Variants in DYRK4 observed in about 807,000 individuals in gnomAD.
The protein encoded by DYRK4 is dual specificity tyrosine phosphorylation regulated kinase 4.
DYRK4 carries 64 observed loss-of-function variants against 68.3 expected under a neutral mutation model. That is an observed-to-expected ratio of 0.94 (90% CI 0.77 to 1.15). The LOEUF (loss-of-function observed/expected upper bound fraction) is 1.15, where lower values mean the gene tolerates loss of function less well. DYRK4 is among the 50% of genes most tolerant of loss of function. The pLI, the probability that DYRK4 is intolerant of heterozygous loss-of-function variation, is 0.00. For missense variants in DYRK4, 740 were observed against 764.7 expected (o/e 0.97, Z 0.38); for synonymous variants, 274 against 289.9 (o/e 0.95, Z 0.56).
chr12:4,610,073 AG>A, intron 12 of DYRK4, 81 bp from the exon 13 acceptor site: 1 of 1,318,738 alleles, frequency 7.6e-7, no homozygotes, highest in Non-Finnish European at 1.0e-6. Flanking sequence ...AAAGAGCTAC[AG>A]AGGCCACTCT....
chr12:4,613,545 CAA>C lies in DYRK4; in HGVS notation c.1700_1701del (p.Lys567ArgfsTer2), dbSNP rs1363804800. 4.3e-6 allele frequency: 7 copies of C among 1,613,568 alleles called. No individual in the cohort carries two copies. Among genetic ancestry groups the C allele is most frequent in the Non-Finnish European group, 5.9e-6 (7 of 1,179,672 alleles). On this transcript the variant is annotated frameshift_variant, in exon 15 of 15. Transcript: ENST00000543431. LOFTEE classifies it low-confidence loss of function (END_TRUNC). This position sits in a 1 kb window ranked among gnomAD's most constrained non-coding sequence, Gnocchi z 4.0. ...ATCACCAAAGAGACTACAGAGAAAA[CAA>C]AAGATAGCCCCACGAAGCATGTTCA...
At chr12:4,568,459 C>T (rs1396528718) in intron 2 of DYRK4, among the ~76,000 whole-genome samples, 1 of 151,816 alleles carries the variant, frequency 6.6e-6, no homozygotes, top group African/African-American at 2.4e-5. Context: ...AATCTCAGCT[C>T]ACTGCAACCT....
intron 9 of DYRK4, 108 bp downstream of exon 9, chr12:4,599,274 T>A: frequency 1.2e-6 from 1 of 822,226 alleles, no homozygotes. Flanking sequence ...CTTTGACTTT[T>A]TTTTTTTTTT....
intron 2 of DYRK4, among the ~76,000 whole-genome samples, chr12:4,568,407 C>T (rs187332290): frequency 5.5e-4 from 83 of 150,750 alleles, no homozygotes; most frequent in African/African-American, 2.0e-3. Flanking sequence ...TTCTTTGAGA[C>T]GGAGTTTCAC....
chr12:4,594,095 G>A (rs1208909107), intron 6 of DYRK4, among the ~76,000 whole-genome samples: 1 of 152,130 alleles, frequency 6.6e-6, no homozygotes, highest in Non-Finnish European at 1.5e-5. Context: ...TCTAGAGCCC[G>A]GGTTTTCAAT....
chr12:4,585,309 A>G (rs1454734501), intron 2 of DYRK4, among the ~76,000 whole-genome samples: 1 of 152,152 alleles, frequency 6.6e-6, no homozygotes, highest in Non-Finnish European at 1.5e-5. Context: ...TCTAGAGCCT[A>G]TTCCACTCTC....
chr12:4,604,848 TG>T lies in DYRK4; in HGVS notation c.1127-61del, dbSNP rs1443472760. ...GCGCAGTCTAACTGAGAAGTTGTCC[TG>T]GGGGAGAGCGTTCTGGAGGGTAAGA... is the stretch of plus-strand genomic sequence containing the variant. On this transcript the variant is annotated intron_variant, in intron 10 of 14. Transcript: ENST00000543431. 39 of 1,487,726 alleles carry T rather than the reference TG, an allele frequency of 2.6e-5. No individual in the cohort carries two copies. The African/African-American group carries it at 2.7e-4, about 10-fold the overall frequency. 92.2% of individuals were successfully genotyped at this position (1,487,726 alleles called of 1,614,324 possible). A position where few individuals can be genotyped will look rare whatever the true frequency, so the allele number is the denominator to read the frequency against.
At chr12:4,579,726 G>A (rs184316422) in intron 2 of DYRK4, among the ~76,000 whole-genome samples, 1 of 152,314 alleles carries the variant, frequency 6.6e-6, no homozygotes, top group African/African-American at 2.4e-5. Flanking sequence ...AGGAAATTTA[G>A]TGTCTAATTT....
rs1945091092 is a variant in DYRK4 at position 4,602,349 on chromosome 12, C to T, written c.1126+2561C>T. 1.6e-5 allele frequency: 14 copies of T among 896,352 alleles called. No individual in the cohort carries two copies. The South Asian group carries it at 1.9e-4, about 12-fold the overall frequency. 55.5% of individuals were successfully genotyped at this position (896,352 alleles called of 1,614,324 possible). ...TTTTCTGTTGCTCTTCCTCTCTTTTCAGCTTTTCTCTCTTTTGTTCTCGTT... is the reference window on the plus strand; with the variant it reads ...TTTTCTGTTGCTCTTCCTCTCTTTTTAGCTTTTCTCTCTTTTGTTCTCGTT... On this transcript the variant is annotated intron_variant, in intron 10 of 14. Coordinates refer to ENST00000543431, the MANE Select transcript of DYRK4 (RefSeq NM_001394779.1).
chr12:4,596,057 C>A, intron 6 of DYRK4, 92 bp from the exon 7 acceptor site: 1 of 1,397,108 alleles, frequency 7.2e-7, no homozygotes, highest in Non-Finnish European at 9.9e-7. Flanking sequence ...CAGGAGTGAG[C>A]CATAATCTGG....
chr12:4,612,212 T>G (rs542946632), intron 13 of DYRK4, among the ~76,000 whole-genome samples: 12 of 152,324 alleles, frequency 7.9e-5, no homozygotes, highest in Non-Finnish European at 1.8e-4. Flanking sequence ...TTGAAATCTT[T>G]GTTTTAATAT....
At chr12:4,571,366 G>GT (rs1051296704) in intron 2 of DYRK4, among the ~76,000 whole-genome samples, 1 of 152,146 alleles carries the variant, frequency 6.6e-6, no homozygotes, top group Non-Finnish European at 1.5e-5. Context: ...TTAGAGAGGC[G>GT]TTCCTTCCCC....
chr12:4,590,598 T>C, intron 4 of DYRK4, 158 bp downstream of exon 4: 1 of 1,355,710 alleles, frequency 7.4e-7, no homozygotes, highest in Non-Finnish European at 9.5e-7. Flanking sequence ...GACTATAAGC[T>C]TGAGCAAATA....
chr12:4,569,924 G>T (rs78396123), intron 2 of DYRK4, among the ~76,000 whole-genome samples: 54 of 151,958 alleles, frequency 3.6e-4, no homozygotes, highest in African/African-American at 1.2e-3. Flanking sequence ...AAATAAGTCC[G>T]GGGCATGAGG....
chr12:4,571,209 G>C (rs1213484524), intron 2 of DYRK4, among the ~76,000 whole-genome samples: 3 of 152,154 alleles, frequency 2.0e-5, no homozygotes, highest in Admixed American at 6.5e-5. Context: ...ATTACATTAC[G>C]ATCTCCCCGA....
rs928683050 is a variant in DYRK4 at position 4,562,621 on chromosome 12, C to G, written c.38+338C>G. 3.3e-5 allele frequency among the ~76,000 whole-genome samples: 5 copies of G among 152,256 alleles called. No individual in the cohort carries two copies. The East Asian group carries it at 9.6e-4, about 29-fold the overall frequency. On this transcript the variant is annotated intron_variant, in intron 1 of 14. Coordinates refer to ENST00000543431, the MANE Select transcript of DYRK4 (RefSeq NM_001394779.1). ...CCTGGAACTGTGCTTCCAGCCCTCA[C>G]TGGGACGCCAGACTTTCTTCCTCCC...
chr12:4,605,489 A>G (rs1048431083), intron 11 of DYRK4, among the ~76,000 whole-genome samples: 1 of 151,424 alleles, frequency 6.6e-6, no homozygotes, highest in East Asian at 1.9e-4. Flanking sequence ...TTTTGTTTCT[A>G]CTCTTTTTTC....
intron 1 of DYRK4, 59 bp from the exon 2 acceptor site, chr12:4,567,895 TG>T: frequency 7.3e-7 from 1 of 1,373,566 alleles, no homozygotes; most frequent in Non-Finnish European, 1.0e-6. Context: ...CCTGAGTGTG[TG>T]GGCCATTACT....
In DYRK4 at chr12:4,599,555, G is replaced by A. The variant is rs1023620281; in HGVS notation, c.1045-152G>A. ...CACAAGTCAAATGGAAAGTCAGAGC[G>A]GAGGATGATGGGATTTTGGAGAGGA... On this transcript the variant is annotated intron_variant, in intron 9 of 14. Transcript: ENST00000543431. 1.6e-5 allele frequency: 10 copies of A among 608,988 alleles called. 1 individual carries two copies. Among genetic ancestry groups the A allele is most frequent in the South Asian group, 8.2e-5 (4 of 48,628 alleles). 37.7% of individuals were successfully genotyped at this position (608,988 alleles called of 1,614,324 possible).
Sources: allele counts gnomAD v4.1 joint callset (sites outside exome capture counted in the v4.1 genomes callset), GRCh38; gene constraint gnomAD v4.1.1; non-coding constraint Gnocchi (gnomAD v3.1); transcripts MANE v1.5; gene names NCBI Gene and HGNC (gene_info 2026-07-23, HGNC 2026-07-21).